PDE9A: variants seen among roughly 807,000 people sequenced by gnomAD.
The protein encoded by PDE9A is high affinity cGMP-specific 3',5'-cyclic phosphodiesterase 9A.
Under a neutral mutation model 87.4 loss-of-function variants are expected in PDE9A, and 60 were observed. The observed-to-expected ratio is 0.69, with a 90% CI of 0.56 to 0.85. The LOEUF (loss-of-function observed/expected upper bound fraction) is 0.85, where lower values mean the gene tolerates loss of function less well. Among genes scored for constraint, PDE9A ranks in the 40% least tolerant of loss-of-function variants. The pLI, the probability that PDE9A is intolerant of heterozygous loss-of-function variation, is 0.00. For missense variants in PDE9A, 665 were observed against 779.0 expected, an observed-to-expected ratio of 0.85 and a Z score of 1.74; for synonymous variants, 272 against 279.4, an observed-to-expected ratio of 0.97 and a Z score of 0.27.
chr21:42,684,875 T>G (rs1050326057), intron 1 of PDE9A, among the ~76,000 whole-genome samples: 6 of 151,572 alleles, frequency 4.0e-5, no homozygotes, highest in African/African-American at 1.2e-4. Flanking sequence ...GTCTTATTGT[T>G]GCCAGTTCAG....
chr21:42,667,836 C>A (rs2058112644), intron 1 of PDE9A, among the ~76,000 whole-genome samples: 1 of 152,066 alleles, frequency 6.6e-6, no homozygotes, highest in South Asian at 2.1e-4. Context: ...TGGCCCTTCT[C>A]AAGGGACCCA....
chr21:42,767,762 C>T (rs147555933), intron 15 of PDE9A, among the ~76,000 whole-genome samples: 119 of 152,324 alleles, frequency 7.8e-4, no homozygotes, highest in African/African-American at 2.6e-3. Flanking sequence ...TGGCGACATC[C>T]GGGCTAGTTT....
chr21:42,688,404 A>G (rs1197082838), intron 3 of PDE9A, among the ~76,000 whole-genome samples: 1 of 152,168 alleles, frequency 6.6e-6, no homozygotes. Context: ...CTGTGTTCAT[A>G]AAGTGATGCC....
rs566298008 is a variant in PDE9A, at chr21:42,721,827, G to T, written c.263-9943G>T. 9.2e-5 allele frequency among the ~76,000 whole-genome samples: 14 copies of T among 151,562 alleles called. 1 individual carries two copies. The highest frequency in any genetic ancestry group is 9.2e-4 in the Admixed American group (14 of 15,270). ...GAGGTTGGACAAGAGCAGAAATAAAGGCACCCTGCTCCCACCCCCCACAAT... is the reference window on the plus strand; with the variant it reads ...GAGGTTGGACAAGAGCAGAAATAAATGCACCCTGCTCCCACCCCCCACAAT... On this transcript the variant is annotated intron_variant, in intron 4 of 19. Coordinates refer to ENST00000291539, the MANE Select transcript of PDE9A (RefSeq NM_002606.3).
chr21:42,658,307 A>G (rs2057242188), intron 1 of PDE9A, among the ~76,000 whole-genome samples: 1 of 152,198 alleles, frequency 6.6e-6, no homozygotes, highest in Non-Finnish European at 1.5e-5. Flanking sequence ...TCCTGGCCCA[A>G]GGGAATGTCG....
chr21:42,685,265 A>T (rs1443519120), intron 1 of PDE9A, among the ~76,000 whole-genome samples: 1 of 152,240 alleles, frequency 6.6e-6, no homozygotes, highest in African/African-American at 2.4e-5. Flanking sequence ...GAAGATGCGG[A>T]TGCTAACCCG....
intron 1 of PDE9A, 32 bp downstream of exon 1, chr21:42,653,915 T>G: frequency 7.9e-7 from 1 of 1,263,900 alleles, no homozygotes; most frequent in Non-Finnish European, 1.1e-6. Context: ...CACCCCCTCC[T>G]CCCCCCGGGT....
At chr21:42,768,917 G>T in intron 16 of PDE9A, 110 bp from the exon 17 acceptor site, 1 of 1,507,430 alleles carries the variant, frequency 6.6e-7, no homozygotes, top group South Asian at 1.3e-5. Flanking sequence ...TTTGTGGTGT[G>T]GTTTGGTTGG....
At chr21:42,731,146 CG>C (rs1277645915) in intron 4 of PDE9A, among the ~76,000 whole-genome samples, 2 of 152,072 alleles carry the variant, frequency 1.3e-5, no homozygotes, top group Non-Finnish European at 2.9e-5. Flanking sequence ...TTAGTAGAGA[CG>C]GGGTTTCTCC....
rs533261426 is a variant in PDE9A at position 42,705,672 on chromosome 21, G to T, written c.262+6661G>T. ...CCCACGGCCCAAGTCCTATAGGAGA[G>T]CCAGGGGCCATCACGATTTTCTTAG... On this transcript the variant is annotated intron_variant, in intron 4 of 19. Transcript: ENST00000291539. This position sits in a 1 kb window ranked among gnomAD's most constrained non-coding sequence, Gnocchi z 4.3. Among the ~76,000 whole-genome samples the T allele has an allele frequency of 2.6e-4, 39 of 152,330 alleles. No homozygotes were observed. The highest frequency in any genetic ancestry group is 9.1e-4 in the African/African-American group (38 of 41,584).
At position 42,679,199 on chromosome 21, in the gene PDE9A, G is replaced by A. The variant is rs73905736; in HGVS notation, c.70-6993G>A. On this transcript the variant is annotated intron_variant, in intron 1 of 19. Coordinates refer to ENST00000291539, the MANE Select transcript of PDE9A (RefSeq NM_002606.3). ...CGATGCCAGGCTGGCTCAGTAGGTG[G>A]AAGAACCTTCCGGAATGCCTGCCCG... Among the ~76,000 whole-genome samples, 668 of 152,264 alleles carry A rather than the reference G, an allele frequency of 4.4e-3. 5 individuals carry two copies. The highest frequency in any genetic ancestry group is 0.015 in the African/African-American group (624 of 41,562).
At chr21:42,683,798 C>G (rs1346492201) in intron 1 of PDE9A, among the ~76,000 whole-genome samples, 1 of 152,220 alleles carries the variant, frequency 6.6e-6, no homozygotes. Context: ...GTCGGTCTTG[C>G]CAGATGTGTC....
At chr21:42,670,254 TAC>T (rs2058377112) in intron 1 of PDE9A, among the ~76,000 whole-genome samples, 1 of 131,020 alleles carries the variant, frequency 7.6e-6, no homozygotes, top group South Asian at 2.2e-4. Flanking sequence ...TACACATACA[TAC>T]ATTCACACAC....
chr21:42,686,561 T>A (rs2059486855), intron 2 of PDE9A, among the ~76,000 whole-genome samples: 2 of 152,168 alleles, frequency 1.3e-5, no homozygotes, highest in African/African-American at 4.8e-5. Flanking sequence ...ACACCTGTAA[T>A]CCCAACACTT....
intron 3 of PDE9A, chr21:42,689,392 G>T (rs2059663005): frequency 3.8e-6 from 1 of 264,136 alleles, no homozygotes; most frequent in Non-Finnish European, 5.9e-6. Flanking sequence ...GTGCTAATTG[G>T]CTCCCCAGAG....
chr21:42,668,159 C>T (rs1166707351), intron 1 of PDE9A, among the ~76,000 whole-genome samples: 3 of 152,136 alleles, frequency 2.0e-5, no homozygotes, highest in African/African-American at 2.4e-5. Flanking sequence ...GAAGGGGCTG[C>T]GTGCTGAGAG....
intron 1 of PDE9A, among the ~76,000 whole-genome samples, chr21:42,681,051 T>C (rs1316835032): frequency 1.3e-5 from 2 of 152,240 alleles, no homozygotes; most frequent in African/African-American, 4.8e-5. Flanking sequence ...GATACAAACT[T>C]GAACTTTGTG....
intron 10 of PDE9A, chr21:42,758,741 A>T (rs2055346148): frequency 2.3e-6 from 1 of 438,114 alleles, no homozygotes; most frequent in African/African-American, 2.0e-5. Flanking sequence ...TCCACGCCCC[A>T]GGATCCACCT....
chr21:42,707,168 G>T (rs1419575803), intron 4 of PDE9A, among the ~76,000 whole-genome samples: 1 of 152,226 alleles, frequency 6.6e-6, no homozygotes, highest in Non-Finnish European at 1.5e-5. Context: ...GATTAAATGA[G>T]ATATTAAAAA....
Sources: allele counts gnomAD v4.1 joint callset (sites outside exome capture counted in the v4.1 genomes callset), GRCh38; gene constraint gnomAD v4.1.1; non-coding constraint Gnocchi (gnomAD v3.1); transcripts MANE v1.5; gene names NCBI Gene and HGNC (gene_info 2026-07-23, HGNC 2026-07-21).